Variants in NT5DC3 observed in about 807,000 individuals in gnomAD.
NT5DC3 encodes the protein 5'-nucleotidase domain containing 3, also known as 5'-nucleotidase domain-containing protein 3.
A neutral mutation model predicts 67.8 loss-of-function variants in NT5DC3; 42 were observed. That is an observed-to-expected ratio of 0.62 (90% confidence interval 0.48 to 0.80). The LOEUF (loss-of-function observed/expected upper bound fraction) is 0.80, where lower values mean the gene tolerates loss of function less well. Ranked by LOEUF, NT5DC3 falls within the 30% of genes least tolerant of loss-of-function variation. NT5DC3 has a pLI of 0.00. For missense variants in NT5DC3, 570 were observed against 696.4 expected (o/e 0.82, Z 2.04); for synonymous variants, 237 against 255.6 (o/e 0.93, Z 0.69).
chr12:103,807,151 C>T (rs1886834959), intron 2 of NT5DC3, among the ~76,000 whole-genome samples: 1 of 152,196 alleles, frequency 6.6e-6, no homozygotes, highest in South Asian at 2.1e-4. Context: ...TGTCCATCTG[C>T]CCAAGCACAG....
At chr12:103,749,155 C>T in the NT5DC3 span, 285 of 1,592,916 alleles carry the variant, frequency 1.8e-4, no homozygotes, top group Non-Finnish European at 2.3e-4. Context: ...ATGACAGGCC[C>T]GGTGAGTCGC....
At chr12:103,758,111 C>A in the NT5DC3 span, 1 of 1,606,026 alleles carries the variant, frequency 6.2e-7, no homozygotes. Context: ...CCTTCTTCAG[C>A]CACCCAGGTC....
chr12:103,802,569 G>A (rs773988734), intron 4 of NT5DC3, among the ~76,000 whole-genome samples: 5 of 152,140 alleles, frequency 3.3e-5, no homozygotes, highest in Non-Finnish European at 7.3e-5. Context: ...TCTTGACCTG[G>A]AGCTGGGGGG....
chr12:103,752,186 A>G, the NT5DC3 span, among the ~76,000 whole-genome samples: 3 of 152,254 alleles, frequency 2.0e-5, no homozygotes, highest in Non-Finnish European at 4.4e-5. Context: ...AATTAGAAAT[A>G]ACATATATAT....
intron 1 of NT5DC3, among the ~76,000 whole-genome samples, chr12:103,834,527 A>G (rs1343309964): frequency 6.6e-6 from 1 of 152,184 alleles, no homozygotes; most frequent in African/African-American, 2.4e-5. Flanking sequence ...AAAGGAGGGT[A>G]GGTAAATACG....
chr12:103,790,029 T>G (rs57873904), intron 9 of NT5DC3, among the ~76,000 whole-genome samples: 2,966 of 152,316 alleles, frequency 0.019, 97 homozygotes, highest in African/African-American at 0.067. Flanking sequence ...TTGCGAGCAA[T>G]TTCCCAAGTG....
chr12:103,835,115 AG>A (rs1320512344), intron 1 of NT5DC3, among the ~76,000 whole-genome samples: 1 of 152,170 alleles, frequency 6.6e-6, no homozygotes, highest in Non-Finnish European at 1.5e-5. Flanking sequence ...AGCTCTGTAC[AG>A]GCAGTAACTC....
chr12:103,798,478 C>T (rs962088975), intron 5 of NT5DC3, 109 bp downstream of exon 5: 24 of 732,972 alleles, frequency 3.3e-5, no homozygotes, highest in Non-Finnish European at 5.0e-5. Flanking sequence ...TCTCAACACA[C>T]AATCTCAAAT....
At position 103,794,145 on chromosome 12, in the gene NT5DC3, C is replaced by CTTA; in HGVS notation, c.754-149_754-148insTAA. 7.3e-5 allele frequency: 29 copies of CTTA among 399,020 alleles called. No individual in the cohort carries two copies. The East Asian group carries it at 1.0e-3, about 14-fold the overall frequency. 24.7% of individuals were successfully genotyped at this position (399,020 alleles called of 1,614,324 possible). On this transcript the variant is annotated intron_variant, in intron 6 of 13. Coordinates refer to ENST00000392876, the MANE Select transcript of NT5DC3 (RefSeq NM_001031701.3). ...CAAAATCTAAATTCTGGTCCATTTT[C>CTTA]TTCTTCTTTTTTTTTTTTTTTTGAG...
At chr12:103,771,559 A>C (rs1223356013), downstream of NT5DC3, among the ~76,000 whole-genome samples, 1 of 152,116 alleles carries the variant, frequency 6.6e-6, no homozygotes, top group Non-Finnish European at 1.5e-5. Context: ...TCCCCTCCCC[A>C]TCACTGCAAA....
At chr12:103,818,021 G>T (rs887407697) in intron 1 of NT5DC3, among the ~76,000 whole-genome samples, 3 of 152,152 alleles carry the variant, frequency 2.0e-5, no homozygotes, top group Non-Finnish European at 4.4e-5. Context: ...ATTTCACAAG[G>T]CTCCTTAACA....
chr12:103,779,567 C>A (rs1885463705), intron 13 of NT5DC3, among the ~76,000 whole-genome samples: 1 of 152,090 alleles, frequency 6.6e-6, no homozygotes, highest in Non-Finnish European at 1.5e-5. Flanking sequence ...CCTCTCCATG[C>A]CCCATCCACC....
chr12:103,747,995 CAAAAAAAAAAA>C, the NT5DC3 span, among the ~76,000 whole-genome samples: 1 of 96,762 alleles, frequency 1.0e-5, no homozygotes, highest in East Asian at 3.1e-4. Context: ...ACTCTGTCTC[CAAAAAAAAAAA>C]AAAAAAAAGG....
chr12:103,830,529 T>C (rs551861551), intron 1 of NT5DC3, among the ~76,000 whole-genome samples: 1 of 152,360 alleles, frequency 6.6e-6, no homozygotes, highest in South Asian at 2.1e-4. Context: ...CCTCTCACGC[T>C]ATCAGTCTGT....
At chr12:103,780,410 A>C (rs1885502830) in intron 12 of NT5DC3, 46 bp from the exon 13 acceptor site, 2 of 1,572,776 alleles carry the variant, frequency 1.3e-6, no homozygotes, top group Non-Finnish European at 1.8e-6. Context: ...ATTTCAAATA[A>C]GCTCATTACG....
chr12:103,779,928 A>G (rs1885480398), intron 13 of NT5DC3, among the ~76,000 whole-genome samples: 1 of 152,214 alleles, frequency 6.6e-6, no homozygotes, highest in African/African-American at 2.4e-5. Context: ...TTGAGGGTTC[A>G]GAGCCCAAAT....
chr12:103,803,612 G>A lies in NT5DC3; in HGVS notation c.524+2710C>T, dbSNP rs182049533. ...ACCCTATCCATTAGTTATTTTTCCT[G>A]ATCCTCTCCCTTCTCCCACCCTCCA... On this transcript the variant is annotated intron_variant, in intron 4 of 13. Coordinates refer to ENST00000392876, the MANE Select transcript of NT5DC3 (RefSeq NM_001031701.3). 2.6e-5 allele frequency among the ~76,000 whole-genome samples: 4 copies of A among 152,036 alleles called. No individual in the cohort carries two copies. In the East Asian group the frequency reaches 7.7e-4, roughly 29 times the overall value.
chr12:103,816,273 G>A (rs750331834), intron 1 of NT5DC3, among the ~76,000 whole-genome samples: 98 of 152,172 alleles, frequency 6.4e-4, no homozygotes, highest in Non-Finnish European at 1.0e-3. Flanking sequence ...CAAAAAGTCC[G>A]AAATTCAAAA....
chr12:103,803,759 G>A (rs1280251127), intron 4 of NT5DC3, among the ~76,000 whole-genome samples: 1 of 152,014 alleles, frequency 6.6e-6, no homozygotes, highest in Admixed American at 6.6e-5. Context: ...GCTTGCTAAG[G>A]ATAATGGCCT....
Sources: gnomAD v4.1 joint callset for allele counts (sites outside exome capture counted in the v4.1 genomes callset) on GRCh38, gnomAD v4.1.1 for gene constraint, MANE v1.5 for transcripts, NCBI Gene and HGNC (gene_info 2026-07-23, HGNC 2026-07-21) for gene names.